Variants in MTA3 observed in about 807,000 individuals in gnomAD.
The protein encoded by MTA3 is metastasis-associated protein MTA3.
Under a neutral mutation model 83.5 loss-of-function variants are expected in MTA3, and 34 were observed. That is an observed-to-expected ratio of 0.41 (90% CI 0.31 to 0.54). The LOEUF (loss-of-function observed/expected upper bound fraction) is 0.54. Ranked by LOEUF, MTA3 falls within the 20% of genes least tolerant of loss-of-function variation. The pLI is 0.33. For synonymous variants in MTA3, 303 were observed against 252.7 expected (o/e 1.20, Z -1.89); for missense variants, 761 against 726.4 (o/e 1.05, Z -0.55).
chr2:42,631,722 C>A (rs4355164), intron 4 of MTA3, among the ~76,000 whole-genome samples: 1 of 152,036 alleles, frequency 6.6e-6, no homozygotes, highest in Non-Finnish European at 1.5e-5. Flanking sequence ...CGGAGTCTCC[C>A]TTAGTGACCC....
intron 16 of MTA3, among the ~76,000 whole-genome samples, chr2:42,738,659 G>C (rs1235520299): frequency 2.0e-5 from 3 of 152,184 alleles, no homozygotes; most frequent in Non-Finnish European, 4.4e-5. Context: ...CTGACTGCTG[G>C]TGAGCCAGGC....
chr2:42,604,062 A>G (rs1344570976), intron 3 of MTA3, among the ~76,000 whole-genome samples: 1 of 143,514 alleles, frequency 7.0e-6, no homozygotes, highest in African/African-American at 2.6e-5. Flanking sequence ...TGTTTTTGAA[A>G]CAGAGTTTTG....
intron 2 of MTA3, among the ~76,000 whole-genome samples, chr2:42,550,880 A>G (rs1677075014): frequency 6.6e-6 from 1 of 151,938 alleles, no homozygotes; most frequent in African/African-American, 2.4e-5. Flanking sequence ...CATCTCTACT[A>G]AAAATACAAA....
At chr2:42,651,735 C>T (rs1376012241) in intron 6 of MTA3, among the ~76,000 whole-genome samples, 2 of 149,742 alleles carry the variant, frequency 1.3e-5, no homozygotes, top group East Asian at 2.0e-4. Context: ...GAGATTGAAG[C>T]TGCAGTGAGC....
intron 3 of MTA3, among the ~76,000 whole-genome samples, chr2:42,606,304 C>G (rs375118437): frequency 8.8e-3 from 790 of 90,114 alleles, no homozygotes; most frequent in Middle Eastern, 0.027. Flanking sequence ...CTTCCCAGAT[C>G]GGGTGGCTGC....
intron 2 of MTA3, among the ~76,000 whole-genome samples, chr2:42,512,697 CAG>C (rs1045729239): frequency 9.2e-5 from 14 of 152,142 alleles, no homozygotes; most frequent in Admixed American, 9.2e-4. Context: ...CTCTAGATAA[CAG>C]TGTGTATTTA....
chr2:42,572,601 AATAAAT>A (rs1678615146), intron 2 of MTA3, among the ~76,000 whole-genome samples: 1 of 152,190 alleles, frequency 6.6e-6, no homozygotes, highest in Non-Finnish European at 1.5e-5. Context: ...GTTTTGGTGT[AATAAAT>A]ATAAAGTAGC....
intron 3 of MTA3, among the ~76,000 whole-genome samples, chr2:42,593,353 AAC>A (rs1372368492): frequency 6.7e-6 from 1 of 150,358 alleles, no homozygotes; most frequent in African/African-American, 2.4e-5. Flanking sequence ...TCTGTGTCAA[AAC>A]AAAAAAAAGT....
In MTA3 at chr2:42,708,773, A is replaced by G. The variant is rs553973889; in HGVS notation, c.1303-101A>G. The G allele has an allele frequency of 4.9e-6, 6 of 1,233,550 alleles. No homozygotes were observed. The East Asian group carries it at 1.2e-4, about 24-fold the overall frequency. 76.4% of individuals were successfully genotyped at this position (1,233,550 alleles called of 1,614,324 possible). The stretch of plus-strand genomic sequence containing the variant: ...CAAGTGACGTTATAGATGCTTCATG[A>G]AAGATTTAAAAGTTGCACTTTTCTT... On this transcript the variant is annotated intron_variant, in intron 13 of 16. Transcript: ENST00000405094.
chr2:42,594,054 C>A (rs754578349), intron 3 of MTA3, among the ~76,000 whole-genome samples: 1 of 150,534 alleles, frequency 6.6e-6, no homozygotes, highest in Non-Finnish European at 1.5e-5. Context: ...CAGGTTCAAG[C>A]GATTCTTCTG....
chr2:42,641,698 T>A (rs1687706647), intron 5 of MTA3, among the ~76,000 whole-genome samples: 1 of 151,936 alleles, frequency 6.6e-6, no homozygotes, highest in Admixed American at 6.6e-5. Context: ...ATACAAAAAT[T>A]AGCTGGGCCA....
At chr2:42,678,772 A>C (rs79141788) in intron 8 of MTA3, among the ~76,000 whole-genome samples, 2,426 of 152,268 alleles carry the variant, frequency 0.016, 51 homozygotes, top group African/African-American at 0.055. Context: ...TAGTTAATGC[A>C]TCACTGTGTG....
intron 4 of MTA3, among the ~76,000 whole-genome samples, chr2:42,619,593 G>C (rs1027957272): frequency 8.5e-5 from 13 of 152,076 alleles, no homozygotes; most frequent in Non-Finnish European, 1.3e-4. Flanking sequence ...CCCCCACATT[G>C]ACCCAGTGAT....
chr2:42,551,005 G>A (rs112349841), intron 2 of MTA3, among the ~76,000 whole-genome samples: 11 of 151,408 alleles, frequency 7.3e-5, no homozygotes, highest in Non-Finnish European at 1.3e-4. Context: ...AGCAGAGATC[G>A]CACCATTGCA....
chr2:42,630,477 G>A lies in MTA3; in HGVS notation c.318-9696G>A, dbSNP rs139945718. ...CCAGAAATATTCCATGCGTATAGAA[G>A]CAATGAGGTATGTATGTTTGTATGT... On this transcript the variant is annotated intron_variant, in intron 4 of 16. Transcript: ENST00000405094. 6.6e-5 allele frequency among the ~76,000 whole-genome samples: 10 copies of A among 152,268 alleles called. No individual in the cohort carries two copies. The East Asian group carries it at 1.7e-3, about 26-fold the overall frequency.
At position 42,707,899 on chromosome 2, in the gene MTA3, T is replaced by A; in HGVS notation, c.1151-4T>A. On this transcript the variant is annotated splice_polypyrimidine_tract_variant and splice_region_variant and intron_variant, in intron 12 of 16. Coordinates refer to ENST00000405094, the MANE Select transcript of MTA3 (RefSeq NM_001330442.2). ...CGTTTTTTCTTATTTTTCTTCTGCT[T>A]TAGCTACACAGTCTCACCAGTGGTA... The A allele has an allele frequency of 6.5e-7, 1 of 1,538,046 alleles. No individual in the cohort carries two copies. The highest frequency in any genetic ancestry group is 8.7e-7 in the Non-Finnish European group (1 of 1,145,906).
chr2:42,755,561 G>T lies in MTA3; in HGVS notation c.*2162G>T. ...TGTAGTCCAGTCATCCTAGGAGGGT[G>T]ATGTTGACTGAGACTTCACGCTCTC... is the stretch of plus-strand genomic sequence containing the variant. On this transcript the variant is annotated 3_prime_UTR_variant, in exon 17 of 17. Coordinates refer to ENST00000405094, the MANE Select transcript of MTA3 (RefSeq NM_001330442.2). 1.0e-6 allele frequency: 1 copy of T among 985,482 alleles called. No individual in the cohort carries two copies. The highest frequency in any genetic ancestry group is 1.2e-6 in the Non-Finnish European group (1 of 829,950). 61.0% of individuals were successfully genotyped at this position (985,482 alleles called of 1,614,324 possible). A position where few individuals can be genotyped will look rare whatever the true frequency, so the allele number is the denominator to read the frequency against.
At chr2:42,547,393 T>A (rs890630825) in intron 2 of MTA3, among the ~76,000 whole-genome samples, 2 of 152,258 alleles carry the variant, frequency 1.3e-5, no homozygotes, top group African/African-American at 4.8e-5. Context: ...AGTGGCGCAA[T>A]CTCTGCTCAC....
At chr2:42,610,041 A>G (rs1683996443) in intron 4 of MTA3, among the ~76,000 whole-genome samples, 1 of 152,224 alleles carries the variant, frequency 6.6e-6, no homozygotes, top group African/African-American at 2.4e-5. Flanking sequence ...CAGAGGTTGC[A>G]GTGTGCTGAC....
Sources: gnomAD v4.1 joint callset for allele counts (sites outside exome capture counted in the v4.1 genomes callset) on GRCh38, gnomAD v4.1.1 for gene constraint, MANE v1.5 for transcripts, NCBI Gene and HGNC (gene_info 2026-07-23, HGNC 2026-07-21) for gene names.